Variants in KDM2B observed in about 807,000 individuals in gnomAD.
KDM2B encodes lysine demethylase 2B, also known as lysine-specific demethylase 2B.
A neutral mutation model predicts 150.0 loss-of-function variants in KDM2B; 26 were observed. The ratio of observed to expected loss-of-function variants is 0.17; its 90% CI spans 0.13 to 0.24. The LOEUF is 0.24. Among genes scored for constraint, KDM2B ranks in the 10% least tolerant of loss-of-function variants. The pLI is 1.00. For missense variants in KDM2B, 1,265 were observed against 1,816.9 expected (o/e 0.70, Z 5.52); for synonymous variants, 734 against 729.5 (o/e 1.01, Z -0.10).
rs543519835 is a variant in KDM2B at position 121,511,490 on chromosome 12, T to C, written c.1175-1451A>G. On this transcript the variant is annotated intron_variant, in intron 10 of 22. Transcript: ENST00000377071. The stretch of plus-strand genomic sequence containing the variant: ...TAGTAGAGACGAGGTGTCACCATGT[T>C]GGCCAGGCTGATCTCGAACTCCTGA... Among the ~76,000 whole-genome samples, 12 of 152,196 alleles carry C rather than the reference T, an allele frequency of 7.9e-5. No individual in the cohort carries two copies. In the East Asian group the frequency reaches 1.7e-3, roughly 22 times the overall value.
At chr12:121,454,692 A>G (rs1877947431) in intron 12 of KDM2B, among the ~76,000 whole-genome samples, 1 of 152,104 alleles carries the variant, frequency 6.6e-6, no homozygotes, top group African/African-American at 2.4e-5. Flanking sequence ...AAACCAGCTG[A>G]CCTAACGGCA....
intron 4 of KDM2B, among the ~76,000 whole-genome samples, chr12:121,556,444 C>A (rs1555312738): frequency 6.6e-6 from 1 of 152,166 alleles, no homozygotes; most frequent in African/African-American, 2.4e-5. Context: ...ACCAGCTCAC[C>A]CTCCCCTTCC....
At chr12:121,543,263 G>A (rs1433800154) in intron 6 of KDM2B, among the ~76,000 whole-genome samples, 2 of 152,094 alleles carry the variant, frequency 1.3e-5, no homozygotes, top group Non-Finnish European at 2.9e-5. Flanking sequence ...GGCTGATGCA[G>A]GAGAATCGCT....
chr12:121,566,753 G>C (rs1482026788), intron 4 of KDM2B, among the ~76,000 whole-genome samples: 1 of 152,076 alleles, frequency 6.6e-6, no homozygotes, highest in Non-Finnish European at 1.5e-5. Flanking sequence ...CCAAGATCAT[G>C]CCACTGCACT....
intron 11 of KDM2B, among the ~76,000 whole-genome samples, chr12:121,500,439 G>A (rs77882323): frequency 0.016 from 2,397 of 152,336 alleles, 63 homozygotes; most frequent in African/African-American, 0.055. Flanking sequence ...AGGGATGGCT[G>A]GGCCTGGGCG....
chr12:121,442,147 C>A lies in KDM2B; in HGVS notation c.3284+10G>T, dbSNP rs1875222230. 1 of 1,612,608 alleles carries A rather than the reference C, an allele frequency of 6.2e-7. No individual in the cohort carries two copies. The highest frequency in any genetic ancestry group is 1.3e-5 in the African/African-American group (1 of 74,918). ...CCTTAACCTAGAGCCCTACACAGGC[C>A]GCCGCTCACCAGCGGTTCCAGGTCC... On this transcript the variant is annotated intron_variant, in intron 19 of 22. Coordinates refer to ENST00000377071, the MANE Select transcript of KDM2B (RefSeq NM_032590.5). The surrounding 1 kb of genome is among the most constrained non-coding windows in gnomAD (Gnocchi z 7.7).
intron 12 of KDM2B, among the ~76,000 whole-genome samples, chr12:121,455,695 C>T (rs1375047039): frequency 6.6e-6 from 1 of 152,106 alleles, no homozygotes; most frequent in Non-Finnish European, 1.5e-5. Context: ...CAGAGCAAGA[C>T]CCTGTCTCAA....
chr12:121,446,270 C>T (rs775344087), intron 13 of KDM2B, among the ~76,000 whole-genome samples: 42 of 152,234 alleles, frequency 2.8e-4, no homozygotes, highest in African/African-American at 7.5e-4. Context: ...TGGTGGCGGG[C>T]GCCTGTAGTC....
chr12:121,541,512 G>C (rs917986101), intron 6 of KDM2B, among the ~76,000 whole-genome samples: 21 of 149,728 alleles, frequency 1.4e-4, no homozygotes, highest in Admixed American at 5.4e-4. Flanking sequence ...GAAAAAAAAA[G>C]AAAGCCTTGC....
At chr12:121,561,662 T>A (rs1416290249) in intron 4 of KDM2B, among the ~76,000 whole-genome samples, 4 of 152,180 alleles carry the variant, frequency 2.6e-5, no homozygotes, top group African/African-American at 9.7e-5. Context: ...CAGCCCCAAG[T>A]TGCTTTTCTT....
intron 11 of KDM2B, among the ~76,000 whole-genome samples, chr12:121,497,532 C>T (rs1377394573): frequency 6.6e-6 from 1 of 151,886 alleles, no homozygotes; most frequent in African/African-American, 2.4e-5. Context: ...TCTCAAACTC[C>T]TAGCCTCAAG....
chr12:121,434,791 A>C (rs545326246), intron 22 of KDM2B, among the ~76,000 whole-genome samples: 121 of 152,092 alleles, frequency 8.0e-4, no homozygotes, highest in African/African-American at 2.8e-3. Context: ...CCTCATCTCT[A>C]CTAAAAAATA....
In KDM2B at chr12:121,442,057, G is replaced by T; in HGVS notation, c.3284+100C>A. On this transcript the variant is annotated intron_variant, in intron 19 of 22. Transcript: ENST00000377071. This position sits in a 1 kb window ranked among gnomAD's most constrained non-coding sequence, Gnocchi z 7.7. ...CGGAGCACAATGAAGCCATACTGGGGTTTGGAAGGAAAGAGCATCGCCAGC... is the reference window on the plus strand; with the variant it reads ...CGGAGCACAATGAAGCCATACTGGGTTTTGGAAGGAAAGAGCATCGCCAGC... 1.0e-6 allele frequency: 1 copy of T among 994,338 alleles called. No individual in the cohort carries two copies. Among genetic ancestry groups the T allele is most frequent in the Non-Finnish European group, 1.6e-6 (1 of 644,706 alleles). The allele number at this position is 994,338 out of a possible 1,614,324, so 61.6% of individuals were successfully genotyped here.
In KDM2B at chr12:121,444,053, GCTT is replaced by G. The variant is rs1566268045; in HGVS notation, c.2407_2409del (p.Lys803del). 1 of 1,613,420 alleles carries G rather than the reference GCTT, an allele frequency of 6.2e-7. No homozygotes were observed. The highest frequency in any genetic ancestry group is 1.7e-5 in the Admixed American group (1 of 60,012). On this transcript the variant is annotated inframe_deletion, in exon 16 of 23. Coordinates refer to ENST00000377071, the MANE Select transcript of KDM2B (RefSeq NM_032590.5). ...AGCTCCTGGGGCTTCTCGTATTTCC[GCTT>G]CTTCCTCAGGTGCACGTCGTCAGAC...
intron 21 of KDM2B, chr12:121,440,574 A>G: frequency 1.9e-6 from 1 of 513,656 alleles, no homozygotes; most frequent in Non-Finnish European, 3.5e-6. Context: ...GCAGAGCCCC[A>G]TGAGCGAGTC....
intron 12 of KDM2B, among the ~76,000 whole-genome samples, chr12:121,488,783 G>A (rs1297007332): frequency 6.6e-6 from 1 of 151,080 alleles, no homozygotes; most frequent in African/African-American, 2.4e-5. Flanking sequence ...CACCAGGCCT[G>A]GCTAATTTTT....
chr12:121,524,681 C>T (rs1555306489), intron 8 of KDM2B: 3 of 454,400 alleles, frequency 6.6e-6, no homozygotes, highest in South Asian at 4.7e-5. Context: ...CATACCCCTC[C>T]TCCGATGGCC....
chr12:121,469,452 AC>A (rs1555295503), intron 12 of KDM2B: 1 of 151,258 alleles, frequency 6.6e-6, no homozygotes, highest in Non-Finnish European at 1.5e-5. Flanking sequence ...CCCAGTGTCT[AC>A]TAAAAATACA....
chr12:121,534,035 A>C (rs781945504), intron 7 of KDM2B, among the ~76,000 whole-genome samples: 2 of 152,058 alleles, frequency 1.3e-5, no homozygotes, highest in African/African-American at 4.8e-5. Context: ...GCAAGACCCT[A>C]TCTCTTAAAA....
Sources: allele counts gnomAD v4.1 joint callset (sites outside exome capture counted in the v4.1 genomes callset), GRCh38; gene constraint gnomAD v4.1.1; non-coding constraint Gnocchi (gnomAD v3.1); transcripts MANE v1.5; gene names NCBI Gene and HGNC (gene_info 2026-07-23, HGNC 2026-07-21).